The following RUNX2 variants were observed in gnomAD, a reference collection of about 807,000 sequenced individuals.
The protein encoded by RUNX2 is runt-related transcription factor 2.
RUNX2 carries 10 observed loss-of-function variants against 51.7 expected under a neutral mutation model. That is an observed-to-expected ratio of 0.19 (90% confidence interval 0.12 to 0.33). The LOEUF (loss-of-function observed/expected upper bound fraction) is 0.33, where lower values mean the gene tolerates loss of function less well. Ranked by LOEUF, RUNX2 falls within the 10% of genes least tolerant of loss-of-function variation. The probability of loss-of-function intolerance (pLI) is 1.00; values close to 1 mark genes in which losing one functional copy is unlikely to be tolerated. For missense variants in RUNX2, 562 were observed against 691.3 expected, an observed-to-expected ratio of 0.81 and a Z score of 2.10; for synonymous variants, 276 against 273.6, an observed-to-expected ratio of 1.01 and a Z score of -0.09.
At chr6:45,379,568 G>A (rs1227874985) in intron 2 of RUNX2, among the ~76,000 whole-genome samples, 1 of 152,128 alleles carries the variant, frequency 6.6e-6, no homozygotes, top group East Asian at 1.9e-4. Flanking sequence ...TGTCCAGCCT[G>A]CATAAAATCA....
chr6:45,379,338 C>T (rs1797169413), intron 2 of RUNX2, among the ~76,000 whole-genome samples: 1 of 152,112 alleles, frequency 6.6e-6, no homozygotes, highest in Admixed American at 6.5e-5. Context: ...GTTGAAAGCT[C>T]TTTTGAGTAC....
intron 2 of RUNX2, among the ~76,000 whole-genome samples, chr6:45,338,226 C>T (rs1023492588): frequency 6.6e-6 from 1 of 152,012 alleles, no homozygotes; most frequent in Non-Finnish European, 1.5e-5. Flanking sequence ...TGCTTCCTCA[C>T]ATTATGGTTC....
chr6:45,487,254 T>A (rs890268090), intron 5 of RUNX2, among the ~76,000 whole-genome samples: 16 of 152,164 alleles, frequency 1.1e-4, no homozygotes, highest in African/African-American at 3.9e-4. Context: ...TGGTTGGCAA[T>A]GGGAGAGAAA....
At chr6:45,389,639 C>A (rs565920175) in intron 2 of RUNX2, among the ~76,000 whole-genome samples, 5 of 152,040 alleles carry the variant, frequency 3.3e-5, no homozygotes, top group African/African-American at 1.2e-4. Context: ...AGACAGCAAG[C>A]CTTAATTATA....
intron 5 of RUNX2, among the ~76,000 whole-genome samples, chr6:45,449,254 A>C (rs1386991804): frequency 6.6e-6 from 1 of 152,234 alleles, no homozygotes; most frequent in Non-Finnish European, 1.5e-5. Context: ...AGGCAACTTC[A>C]CAAAGTAGCT....
intron 2 of RUNX2, among the ~76,000 whole-genome samples, chr6:45,399,986 AAAGG>A (rs1797671227): frequency 7.3e-6 from 1 of 136,752 alleles, no homozygotes; most frequent in African/African-American, 2.7e-5. Flanking sequence ...GGAAGGAAAG[AAAGG>A]AGGGAGGGAG....
rs1205511889 is a variant in RUNX2 at position 45,355,138 on chromosome 6, C to CT, written c.58+26370dup. Among the ~76,000 whole-genome samples, 411 of 131,636 alleles carry CT rather than the reference C, an allele frequency of 3.1e-3. 4 individuals carry two copies. The highest frequency in any genetic ancestry group is 0.015 in the Middle Eastern group (4 of 260). The allele number at this position is 131,636 out of a possible 152,430, so 86.4% of individuals were successfully genotyped here. A position where few individuals can be genotyped will look rare whatever the true frequency, so the allele number is the denominator to read the frequency against. On this transcript the variant is annotated intron_variant, in intron 2 of 8. Transcript: ENST00000647337. ...CACAGGAGCATGCCAAAAGACCTGG[C>CT]TTTTTTTTTTTTTTTTAGAGATGGG...
intron 7 of RUNX2, among the ~76,000 whole-genome samples, chr6:45,513,854 T>C (rs778362824): frequency 1.1e-4 from 17 of 152,166 alleles, no homozygotes; most frequent in Non-Finnish European, 2.4e-4. Context: ...TAATTAAAGG[T>C]ACGGGAAAGG....
At chr6:45,458,489 A>G (rs1799383176) in intron 5 of RUNX2, among the ~76,000 whole-genome samples, 1 of 152,230 alleles carries the variant, frequency 6.6e-6, no homozygotes, top group Admixed American at 6.5e-5. Flanking sequence ...ATCAGCTGTG[A>G]CAATTTTGAT....
intron 2 of RUNX2, among the ~76,000 whole-genome samples, chr6:45,365,945 T>A (rs1423805091): frequency 2.0e-5 from 3 of 152,052 alleles, no homozygotes; most frequent in African/African-American, 7.2e-5. Context: ...TTTTTCCCAA[T>A]AAAATTAAGG....
rs566068581 is a variant in RUNX2 at position 45,519,448 on chromosome 6, G to A, written c.1021+7041G>A. On this transcript the variant is annotated intron_variant, in intron 7 of 8. Coordinates refer to ENST00000647337, the MANE Select transcript of RUNX2 (RefSeq NM_001024630.4). ...ACTCTTTGTGTTGTGCAGTTCTATG[G>A]GTTTTATCATAATGCCATGTGTCCA... is the stretch of plus-strand genomic sequence containing the variant. 9.2e-5 allele frequency among the ~76,000 whole-genome samples: 14 copies of A among 152,136 alleles called. No homozygotes were observed. The South Asian group carries it at 2.3e-3, about 25-fold the overall frequency.
Position 45,550,662 on chromosome 6 carries a change from C to T in RUNX2, c.*3357C>T, listed in dbSNP as rs544428927. On this transcript the variant is annotated 3_prime_UTR_variant, in exon 9 of 9. Coordinates refer to ENST00000647337, the MANE Select transcript of RUNX2 (RefSeq NM_001024630.4). Reference sequence around the variant, plus strand: ...GAATTTTTTAGATGTGTGTTTACTTCATGTTTACAAATAACTGTTTGCTTT... The same window carrying T: ...GAATTTTTTAGATGTGTGTTTACTTTATGTTTACAAATAACTGTTTGCTTT... 2.0e-5 allele frequency: 3 copies of T among 152,714 alleles called. No homozygotes were observed. Among genetic ancestry groups the T allele is most frequent in the Admixed American group, 2.0e-4 (3 of 15,302 alleles). 9.5% of individuals were successfully genotyped at this position (152,714 alleles called of 1,614,324 possible).
chr6:45,528,110 G>A (rs1337900403), intron 7 of RUNX2, among the ~76,000 whole-genome samples: 1 of 152,104 alleles, frequency 6.6e-6, no homozygotes. Context: ...GATCTCATGA[G>A]ACTTATTCAC....
At chr6:45,365,709 C>T (rs200804889) in intron 2 of RUNX2, among the ~76,000 whole-genome samples, 15 of 148,846 alleles carry the variant, frequency 1.0e-4, no homozygotes, top group African/African-American at 2.7e-4. Flanking sequence ...ATTCAGGCCA[C>T]GGAACAACCC....
chr6:45,513,887 A>G (rs867325652), intron 7 of RUNX2, among the ~76,000 whole-genome samples: 1 of 152,230 alleles, frequency 6.6e-6, no homozygotes, highest in East Asian at 1.9e-4. Context: ...CAGTGGGGAT[A>G]ACGAAGGCTG....
chr6:45,497,229 T>C (rs1800673798), intron 6 of RUNX2, among the ~76,000 whole-genome samples: 1 of 152,190 alleles, frequency 6.6e-6, no homozygotes, highest in Non-Finnish European at 1.5e-5. Flanking sequence ...AAGCAGCTCT[T>C]GGTTCTTTTG....
intron 2 of RUNX2, among the ~76,000 whole-genome samples, chr6:45,362,855 T>C (rs1042378547): frequency 6.6e-6 from 1 of 152,088 alleles, no homozygotes; most frequent in Non-Finnish European, 1.5e-5. Flanking sequence ...TTTTTTAAAA[T>C]GGCCCAAGGT....
At chr6:45,539,095 C>G (rs1050391879) in intron 7 of RUNX2, among the ~76,000 whole-genome samples, 6 of 152,170 alleles carry the variant, frequency 3.9e-5, no homozygotes, top group Non-Finnish European at 8.8e-5. Context: ...TACACACTCA[C>G]TCACACATCT....
chr6:45,462,448 GGT>G (rs1231528292), intron 5 of RUNX2, among the ~76,000 whole-genome samples: 1 of 152,168 alleles, frequency 6.6e-6, no homozygotes, highest in African/African-American at 2.4e-5. Context: ...TGGAGATTTA[GGT>G]GAGAATAAAC....
Sources: gnomAD v4.1 joint callset for allele counts (sites outside exome capture counted in the v4.1 genomes callset) on GRCh38, gnomAD v4.1.1 for gene constraint, MANE v1.5 for transcripts, NCBI Gene and HGNC (gene_info 2026-07-23, HGNC 2026-07-21) for gene names.